Variants in BICD1 observed in about 807,000 individuals in gnomAD.
BICD1 encodes protein bicaudal D homolog 1.
In BICD1, 35 loss-of-function variants were observed where a neutral mutation model predicts 92.5. That is an observed-to-expected ratio of 0.38 (90% confidence interval 0.29 to 0.50). The LOEUF (loss-of-function observed/expected upper bound fraction) is 0.50, where lower values mean the gene tolerates loss of function less well. BICD1 is among the 20% of genes least tolerant of loss of function. BICD1 has a pLI of 0.93. For synonymous variants in BICD1, 429 were observed against 465.1 expected, an observed-to-expected ratio of 0.92 and a Z score of 1.00; for missense variants, 950 against 1,189.8, an observed-to-expected ratio of 0.80 and a Z score of 2.97.
At chr12:32,319,658 A>T (rs1466192890) in intron 4 of BICD1, among the ~76,000 whole-genome samples, 1 of 151,940 alleles carries the variant, frequency 6.6e-6, no homozygotes, top group East Asian at 1.9e-4. Flanking sequence ...GATCGCTGCA[A>T]CCTCTGCTTC....
intron 2 of BICD1, among the ~76,000 whole-genome samples, chr12:32,217,645 T>C (rs10844152): frequency 0.21 from 32,487 of 152,052 alleles, 3,863 homozygotes; most frequent in African/African-American, 0.3. Context: ...AAGAAGAAGA[T>C]GAGACAGTTT....
chr12:32,177,783 A>G (rs1944157298), intron 1 of BICD1, among the ~76,000 whole-genome samples: 1 of 141,774 alleles, frequency 7.1e-6, no homozygotes, highest in Admixed American at 7.3e-5. Flanking sequence ...TAATATATAA[A>G]TATTTATAAA....
At chr12:32,216,136 C>T in intron 1 of BICD1, 111 bp from the exon 2 acceptor site, 3 of 1,024,838 alleles carry the variant, frequency 2.9e-6, no homozygotes, top group East Asian at 2.6e-5. Flanking sequence ...GGGGGTCTTG[C>T]AGGGTAGCTT....
intron 1 of BICD1, among the ~76,000 whole-genome samples, chr12:32,189,763 A>G (rs1828158779): frequency 2.0e-5 from 3 of 150,932 alleles, no homozygotes; most frequent in Admixed American, 6.6e-5. Context: ...CAGTGGTGCA[A>G]TCTCGGCTCA....
intron 2 of BICD1, among the ~76,000 whole-genome samples, chr12:32,235,403 C>T (rs767590692): frequency 3.3e-5 from 5 of 152,146 alleles, no homozygotes; most frequent in East Asian, 1.9e-4. Context: ...GTTGGTCGTG[C>T]GTTCCAATGA....
At chr12:32,246,279 C>T (rs1463597578) in intron 2 of BICD1, among the ~76,000 whole-genome samples, 1 of 128,324 alleles carries the variant, frequency 7.8e-6, no homozygotes, top group South Asian at 2.5e-4. Flanking sequence ...AGTTTGAGAA[C>T]AGCCTGGGGA....
At chr12:32,117,087 C>G (rs760296946) in intron 1 of BICD1, among the ~76,000 whole-genome samples, 1 of 152,116 alleles carries the variant, frequency 6.6e-6, no homozygotes, top group Non-Finnish European at 1.5e-5. Flanking sequence ...GATTTTGGAT[C>G]AAAATAAATC....
intron 4 of BICD1, among the ~76,000 whole-genome samples, chr12:32,325,944 G>A (rs1293092503): frequency 1.3e-5 from 2 of 151,844 alleles, no homozygotes; most frequent in South Asian, 4.2e-4. Flanking sequence ...TTAGCTGGGC[G>A]TGGTCGTGGG....
At chr12:32,149,726 C>T (rs1489146490) in intron 1 of BICD1, among the ~76,000 whole-genome samples, 1 of 152,144 alleles carries the variant, frequency 6.6e-6, no homozygotes, top group Non-Finnish European at 1.5e-5. Context: ...CAAATCAAGG[C>T]ATCAGCAGAT....
At chr12:32,335,625 G>T (rs1288308481) in intron 6 of BICD1, among the ~76,000 whole-genome samples, 12 of 143,932 alleles carry the variant, frequency 8.3e-5, no homozygotes, top group Non-Finnish European at 1.2e-4. Context: ...CTGTCACCCA[G>T]GCTGAAGTGC....
intron 2 of BICD1, among the ~76,000 whole-genome samples, chr12:32,275,590 A>G (rs1947251877): frequency 6.6e-6 from 1 of 151,964 alleles, no homozygotes; most frequent in African/African-American, 2.4e-5. Context: ...AAATCTTGCT[A>G]CTGCACTCTT....
chr12:32,226,136 TTTTG>T (rs1378964968), intron 2 of BICD1, among the ~76,000 whole-genome samples: 2 of 152,220 alleles, frequency 1.3e-5, no homozygotes, highest in Non-Finnish European at 2.9e-5. Flanking sequence ...TTTTGTTTTG[TTTTG>T]TTTGTTTGCT....
chr12:32,117,417 A>G (rs1424976115), intron 1 of BICD1, among the ~76,000 whole-genome samples: 3 of 152,120 alleles, frequency 2.0e-5, no homozygotes, highest in Non-Finnish European at 1.5e-5. Context: ...CTATTTGATG[A>G]CTGTAAACAT....
At chr12:32,109,955 A>G (rs1592309733) in intron 1 of BICD1, among the ~76,000 whole-genome samples, 1 of 152,172 alleles carries the variant, frequency 6.6e-6, no homozygotes, top group South Asian at 2.1e-4. Flanking sequence ...TGTATAGTAA[A>G]TGATGTTGCA....
intron 8 of BICD1, among the ~76,000 whole-genome samples, chr12:32,346,594 A>ATATATACGTG (rs1938614212): frequency 5.7e-5 from 1 of 17,434 alleles, no homozygotes; most frequent in South Asian, 4.0e-3. Flanking sequence ...GTGTATATAT[A>ATATATACGTG]TATATATATA....
In BICD1 at chr12:32,383,105, G is replaced by GT. The variant is rs1231133769; in HGVS notation, c.*5479dup. 1 of 151,954 alleles carries GT rather than the reference G, an allele frequency of 6.6e-6. No homozygotes were observed. Among genetic ancestry groups the GT allele is most frequent in the Non-Finnish European group, 1.5e-5 (1 of 67,926 alleles). The allele number at this position is 151,954 out of a possible 1,614,324, so 9.4% of individuals were successfully genotyped here. A position where few individuals can be genotyped will look rare whatever the true frequency, so the allele number is the denominator to read the frequency against. ...GATTCTGATATTGTATTTCTTTCCA[G>GT]TATTAACATGTGTATTGTGTGGCCA... On this transcript the variant is annotated 3_prime_UTR_variant, in exon 10 of 10. Transcript: ENST00000652176.
chr12:32,379,023 C>T lies in BICD1; in HGVS notation c.*1396C>T, dbSNP rs1940092883. On this transcript the variant is annotated 3_prime_UTR_variant, in exon 10 of 10. Coordinates refer to ENST00000652176, the MANE Select transcript of BICD1 (RefSeq NM_001714.4). ...CCTTAACCATCAAGTGCTGCCCACA[C>T]AATTGCTCCTAGCCCTGATTCCTTG... The T allele has an allele frequency of 1.3e-5, 2 of 152,230 alleles. No homozygotes were observed. The highest frequency in any genetic ancestry group is 4.8e-5 in the African/African-American group (2 of 41,452). 9.4% of individuals were successfully genotyped at this position (152,230 alleles called of 1,614,324 possible).
Position 32,381,536 on chromosome 12 carries a change from C to A in BICD1, c.*3909C>A, listed in dbSNP as rs1592741883. ...TTGATATTCTGTATTAATTAAAGTT[C>A]TCTACATGTCTCAAATGGAGATCAC... On this transcript the variant is annotated 3_prime_UTR_variant, in exon 10 of 10. Coordinates refer to ENST00000652176, the MANE Select transcript of BICD1 (RefSeq NM_001714.4). The A allele has an allele frequency of 6.6e-6, 1 of 152,084 alleles. No individual in the cohort carries two copies. Among genetic ancestry groups the A allele is most frequent in the East Asian group, 1.9e-4 (1 of 5,202 alleles). The allele number at this position is 152,084 out of a possible 1,614,324, so 9.4% of individuals were successfully genotyped here.
chr12:32,327,253 T>C (rs1948801980), intron 4 of BICD1, among the ~76,000 whole-genome samples: 1 of 152,250 alleles, frequency 6.6e-6, no homozygotes, highest in South Asian at 2.1e-4. Context: ...GGGTAACTAC[T>C]TGCAGTATAA....
Sources: allele counts gnomAD v4.1 joint callset (sites outside exome capture counted in the v4.1 genomes callset), GRCh38; gene constraint gnomAD v4.1.1; transcripts MANE v1.5; gene names NCBI Gene and HGNC (gene_info 2026-07-23, HGNC 2026-07-21).